Variants in MANBA observed in about 807,000 individuals in gnomAD.
The protein encoded by MANBA is beta-mannosidase.
Under a neutral mutation model 111.1 loss-of-function variants are expected in MANBA, and 83 were observed. The observed-to-expected ratio is 0.75, with a 90% CI of 0.63 to 0.90. MANBA has a LOEUF of 0.90. Ranked by LOEUF, MANBA falls within the 40% of genes least tolerant of loss-of-function variation. The probability of loss-of-function intolerance (pLI) is 0.00; values close to 1 mark genes in which losing one functional copy is unlikely to be tolerated. For synonymous variants in MANBA, 370 were observed against 378.7 expected (o/e 0.98, Z 0.27); for missense variants, 1,036 against 1,069.0 (o/e 0.97, Z 0.43).
chr4:102,724,644 A>G (rs929259982), intron 2 of MANBA, among the ~76,000 whole-genome samples: 1 of 152,188 alleles, frequency 6.6e-6, no homozygotes, highest in African/African-American at 2.4e-5. Flanking sequence ...TTAGAAAACT[A>G]TCATCTATAA....
intron 5 of MANBA, among the ~76,000 whole-genome samples, chr4:102,693,316 T>C (rs1012325327): frequency 6.6e-6 from 1 of 152,168 alleles, no homozygotes; most frequent in Non-Finnish European, 1.5e-5. Context: ...AACACAGATG[T>C]TATGGACTAA....
At chr4:102,702,157 C>A (rs1733083695) in intron 5 of MANBA, among the ~76,000 whole-genome samples, 1 of 151,830 alleles carries the variant, frequency 6.6e-6, no homozygotes, top group African/African-American at 2.4e-5. Flanking sequence ...CGCATCGGCT[C>A]CTGAGGCTTC....
chr4:102,734,603 G>A (rs1395076595), intron 1 of MANBA: 1 of 1,604,408 alleles, frequency 6.2e-7, no homozygotes, highest in Non-Finnish European at 8.5e-7. Context: ...AAGAGACCAA[G>A]AAGAAGCGGT....
intron 13 of MANBA, among the ~76,000 whole-genome samples, chr4:102,642,823 C>T (rs1251082063): frequency 6.6e-6 from 1 of 152,138 alleles, no homozygotes; most frequent in East Asian, 1.9e-4. Flanking sequence ...AGCTGGACTA[C>T]ATTTTCCAGA....
Position 102,735,028 on chromosome 4 carries a change from TCTC to T in MANBA, c.178-8348_178-8346del, listed in dbSNP as rs1723160840. Among the ~76,000 whole-genome samples the T allele has an allele frequency of 1.3e-5, 2 of 152,282 alleles. 1 individual carries two copies. The highest frequency in any genetic ancestry group is 4.1e-4 in the South Asian group (2 of 4,822). ...TCTCCCATTATTTGTGCACTACAGA[TCTC>T]CTGCTAATCAGTCACCTTTTTTGCT... On this transcript the variant is annotated intron_variant, in intron 1 of 16. Coordinates refer to ENST00000647097, the MANE Select transcript of MANBA (RefSeq NM_005908.4).
At chr4:102,700,312 C>A (rs80167068) in intron 5 of MANBA, among the ~76,000 whole-genome samples, 1 of 151,996 alleles carries the variant, frequency 6.6e-6, no homozygotes, top group East Asian at 1.9e-4. Context: ...AAAACCAGCT[C>A]CTGGATTCAT....
intron 12 of MANBA, among the ~76,000 whole-genome samples, chr4:102,654,469 C>A (rs540956903): frequency 2.6e-5 from 4 of 152,232 alleles, no homozygotes; most frequent in Non-Finnish European, 5.9e-5. Flanking sequence ...TACAATATAA[C>A]TTCAATGTGT....
rs373563358 is a variant in MANBA, at chr4:102,634,974, T to C, written c.2229A>G (p.Gly743=). The C allele has an allele frequency of 6.2e-7, 1 of 1,614,012 alleles. No individual in the cohort carries two copies. Among genetic ancestry groups the C allele is most frequent in the Non-Finnish European group, 8.5e-7 (1 of 1,180,014 alleles). ...SRVTERFVMK[G]GEAVCLYEEP... ...CCTCATAAAGGCAGACAGCCTCTCC[T>C]CCTTTCATCACAAAACGTTCAGTCA... Residue 743 remains glycine (G), a synonymous_variant, in exon 16 of 17, where the codon GGA becomes GGG. Coordinates refer to ENST00000647097, the MANE Select transcript of MANBA (RefSeq NM_005908.4).
chr4:102,638,676 C>G (rs1729734867), intron 14 of MANBA, among the ~76,000 whole-genome samples: 1 of 152,128 alleles, frequency 6.6e-6, no homozygotes, highest in Non-Finnish European at 1.5e-5. Context: ...TTCCAGCATC[C>G]CAGAAGGATT....
At chr4:102,751,567 T>C (rs13133568) in intron 1 of MANBA, 22,288 of 536,070 alleles carry the variant, frequency 0.042, 600 homozygotes, top group Non-Finnish European at 0.058. Flanking sequence ...TTTTATTTCC[T>C]TATTAAGGGC....
In MANBA at chr4:102,709,403, AAAAG is replaced by A. The variant is rs1175545764; in HGVS notation, c.673+5031_673+5034del. Among the ~76,000 whole-genome samples, 47 of 101,464 alleles carry A rather than the reference AAAAG, an allele frequency of 4.6e-4. 1 individual carries two copies. Among genetic ancestry groups the A allele is most frequent in the African/African-American group, 1.1e-3 (34 of 31,366 alleles). 66.6% of individuals were successfully genotyped at this position (101,464 alleles called of 152,430 possible). On this transcript the variant is annotated intron_variant, in intron 5 of 16. Transcript: ENST00000647097. ...GGAAGGAAGAAAGAAAGAAAGAAAAAAAAGAAAGAAAGAAAGAGAAAGAGAGAGA... is the reference window on the plus strand; with the variant it reads ...GGAAGGAAGAAAGAAAGAAAGAAAAAAAAGAAAGAAAGAGAAAGAGAGAGA...
chr4:102,652,307 C>T (rs553465540), intron 12 of MANBA, among the ~76,000 whole-genome samples: 26 of 152,258 alleles, frequency 1.7e-4, no homozygotes, highest in African/African-American at 6.3e-4. Context: ...TTGAGCTGAA[C>T]TTTTTTAGCT....
chr4:102,654,197 C>A (rs1274029566), intron 12 of MANBA, among the ~76,000 whole-genome samples: 1 of 152,122 alleles, frequency 6.6e-6, no homozygotes, highest in Admixed American at 6.5e-5. Flanking sequence ...TTCATTCCTT[C>A]CTTCCCATTC....
At chr4:102,633,380 A>C (rs1729473618) in intron 16 of MANBA, 1 of 398,540 alleles carries the variant, frequency 2.5e-6, no homozygotes, top group South Asian at 1.3e-4. Context: ...GCCGAAAGAG[A>C]TGCTGGTGTC....
At chr4:102,687,175 C>G (rs900585878) in intron 7 of MANBA, among the ~76,000 whole-genome samples, 3 of 152,096 alleles carry the variant, frequency 2.0e-5, no homozygotes, top group Non-Finnish European at 4.4e-5. Flanking sequence ...TTTCCCACCC[C>G]CACATCATCA....
intron 1 of MANBA, among the ~76,000 whole-genome samples, chr4:102,738,665 A>G (rs925954274): frequency 6.6e-6 from 1 of 152,236 alleles, no homozygotes; most frequent in Admixed American, 6.5e-5. Context: ...AACCAGTTAA[A>G]GTAATTCTGG....
At chr4:102,742,638 T>G (rs544544977) in intron 1 of MANBA, among the ~76,000 whole-genome samples, 20 of 152,252 alleles carry the variant, frequency 1.3e-4, no homozygotes, top group Admixed American at 3.9e-4. Context: ...AGCTGTAAAG[T>G]GAGGGCCTTG....
intron 5 of MANBA, among the ~76,000 whole-genome samples, chr4:102,702,219 T>A (rs1733087543): frequency 6.6e-6 from 1 of 151,712 alleles, no homozygotes; most frequent in Non-Finnish European, 1.5e-5. Context: ...ATCAGCTCCT[T>A]TAAGCACTTC....
At chr4:102,650,471 A>G in intron 13 of MANBA, 66 bp downstream of exon 13, 1 of 1,506,904 alleles carries the variant, frequency 6.6e-7, no homozygotes, top group African/African-American at 1.4e-5. Flanking sequence ...TATGGCCTAC[A>G]AAATCTACAT....
Sources: allele counts gnomAD v4.1 joint callset (sites outside exome capture counted in the v4.1 genomes callset), GRCh38; gene constraint gnomAD v4.1.1; transcripts MANE v1.5; gene names NCBI Gene and HGNC (gene_info 2026-07-23, HGNC 2026-07-21).